Variants in NAALADL2 observed in about 807,000 individuals in gnomAD.
NAALADL2 encodes inactive N-acetylated-alpha-linked acidic dipeptidase-like protein 2.
A neutral mutation model predicts 87.2 loss-of-function variants in NAALADL2; 76 were observed. The observed-to-expected ratio is 0.87, with a 90% CI of 0.72 to 1.05. The LOEUF is 1.05. Ranked by LOEUF, NAALADL2 falls within the 50% of genes least tolerant of loss-of-function variation. The probability of loss-of-function intolerance (pLI) is 0.00; values close to 1 mark genes in which losing one functional copy is unlikely to be tolerated. For synonymous variants in NAALADL2, 354 were observed against 331.0 expected (o/e 1.07, Z -0.75); for missense variants, 1,089 against 945.8 (o/e 1.15, Z -1.99).
chr3:174,590,620 A>C (rs1717260681), intron 2 of NAALADL2, among the ~76,000 whole-genome samples: 1 of 152,180 alleles, frequency 6.6e-6, no homozygotes, highest in Non-Finnish European at 1.5e-5. Flanking sequence ...CAGTGAGTAT[A>C]GTCCTTTCAG....
intron 4 of NAALADL2, among the ~76,000 whole-genome samples, chr3:175,280,003 G>A (rs1754082082): frequency 6.7e-6 from 1 of 150,226 alleles, no homozygotes; most frequent in African/African-American, 2.5e-5. Context: ...TAAATAAACT[G>A]GAAAGTTGTC....
chr3:175,153,130 A>G (rs1190540060), intron 2 of NAALADL2, among the ~76,000 whole-genome samples: 4 of 152,134 alleles, frequency 2.6e-5, no homozygotes, highest in Non-Finnish European at 5.9e-5. Flanking sequence ...CAGGAAGTAT[A>G]CAACTTACCT....
At chr3:175,481,053 T>A (rs1439736084) in intron 9 of NAALADL2, among the ~76,000 whole-genome samples, 1 of 151,870 alleles carries the variant, frequency 6.6e-6, no homozygotes, top group African/African-American at 2.4e-5. Flanking sequence ...TAAAGGGAAA[T>A]GCGATCTGTA....
chr3:175,441,046 T>C (rs1426443482), intron 5 of NAALADL2, among the ~76,000 whole-genome samples: 1 of 137,522 alleles, frequency 7.3e-6, no homozygotes, highest in Non-Finnish European at 1.5e-5. Context: ...GCAAATACAG[T>C]TTTTTTTCTT....
chr3:175,057,256 A>AT (rs1387137857), intron 1 of NAALADL2, among the ~76,000 whole-genome samples: 1 of 152,098 alleles, frequency 6.6e-6, no homozygotes, highest in East Asian at 1.9e-4. Flanking sequence ...TCACGTTACC[A>AT]TTTTTTTCAG....
chr3:174,464,264 C>A (rs1034906913), intron 1 of NAALADL2, among the ~76,000 whole-genome samples: 14 of 152,092 alleles, frequency 9.2e-5, no homozygotes, highest in African/African-American at 3.1e-4. Flanking sequence ...AGTATTCTAA[C>A]CTTATTCCAA....
At chr3:175,523,497 A>G (rs910571313) in intron 9 of NAALADL2, among the ~76,000 whole-genome samples, 1 of 152,216 alleles carries the variant, frequency 6.6e-6, no homozygotes, top group Non-Finnish European at 1.5e-5. Flanking sequence ...AAGACACATA[A>G]ACAGTGTTAT....
chr3:175,520,792 A>T (rs1406897976), intron 9 of NAALADL2, among the ~76,000 whole-genome samples: 1 of 152,214 alleles, frequency 6.6e-6, no homozygotes, highest in Non-Finnish European at 1.5e-5. Context: ...TTAAGGAGAT[A>T]TAACAAGGAC....
chr3:175,570,052 G>C (rs1267813390), intron 9 of NAALADL2, among the ~76,000 whole-genome samples: 1 of 152,156 alleles, frequency 6.6e-6, no homozygotes. Flanking sequence ...GTGCTTGTCT[G>C]AATTTGAAGG....
intron 2 of NAALADL2, among the ~76,000 whole-genome samples, chr3:174,735,705 A>G (rs964343102): frequency 6.6e-6 from 1 of 152,114 alleles, no homozygotes; most frequent in Non-Finnish European, 1.5e-5. Context: ...GACCACAGGC[A>G]TGCACCATCA....
At chr3:175,495,950 A>C (rs1728755789) in intron 9 of NAALADL2, among the ~76,000 whole-genome samples, 1 of 151,964 alleles carries the variant, frequency 6.6e-6, no homozygotes, top group African/African-American at 2.4e-5. Context: ...TATATATTTT[A>C]TTTATGACTC....
chr3:175,488,622 T>C (rs543578128), intron 9 of NAALADL2, among the ~76,000 whole-genome samples: 89 of 152,334 alleles, frequency 5.8e-4, no homozygotes, highest in African/African-American at 2.1e-3. Flanking sequence ...TTCAAGTAGA[T>C]CTGAGGTTAG....
chr3:175,227,971 TATG>T (rs1251382969), intron 2 of NAALADL2, among the ~76,000 whole-genome samples: 1 of 152,096 alleles, frequency 6.6e-6, no homozygotes, highest in African/African-American at 2.4e-5. Flanking sequence ...TTTTTAAACT[TATG>T]ATTAACTATT....
At chr3:175,536,370 C>A (rs1734817698) in intron 9 of NAALADL2, among the ~76,000 whole-genome samples, 1 of 152,092 alleles carries the variant, frequency 6.6e-6, no homozygotes, top group Admixed American at 6.6e-5. Flanking sequence ...TAACATATGA[C>A]CCCCAATTTT....
chr3:174,669,265 T>A (rs202245726), intron 2 of NAALADL2, among the ~76,000 whole-genome samples: 1 of 51,992 alleles, frequency 1.9e-5, no homozygotes, highest in East Asian at 1.5e-3. Flanking sequence ...TTTGATGGGG[T>A]TTTTTTTTCT....
At chr3:174,610,210 C>A (rs1259021496) in intron 2 of NAALADL2, among the ~76,000 whole-genome samples, 3 of 151,072 alleles carry the variant, frequency 2.0e-5, no homozygotes, top group African/African-American at 4.9e-5. Context: ...ACCATAAAAA[C>A]CCTAGAAGAA....
chr3:175,231,584 T>A (rs937177608), intron 2 of NAALADL2, among the ~76,000 whole-genome samples: 3 of 152,084 alleles, frequency 2.0e-5, no homozygotes, highest in African/African-American at 7.2e-5. Flanking sequence ...AAACATTCAA[T>A]GTTTTCAGTT....
chr3:175,462,808 G>A lies in NAALADL2; in HGVS notation c.1235-593G>A, dbSNP rs149881613. 4.3e-4 allele frequency among the ~76,000 whole-genome samples: 66 copies of A among 152,216 alleles called. 2 individuals carry two copies. The highest frequency in any genetic ancestry group is 3.4e-3 in the Middle Eastern group (1 of 294). On this transcript the variant is annotated intron_variant, in intron 6 of 13. Transcript: ENST00000454872. ...ACAGAAAAATTCAAAAAGGTAGAGC[G>A]ATTAGTACAGATTTAGAATAGAGGT...
chr3:174,683,874 AGT>A (rs1727791805), intron 2 of NAALADL2, among the ~76,000 whole-genome samples: 1 of 152,054 alleles, frequency 6.6e-6, no homozygotes, highest in South Asian at 2.1e-4. Context: ...AGAGCTACAG[AGT>A]GTATAATATG....
Sources: allele counts gnomAD v4.1 joint callset (sites outside exome capture counted in the v4.1 genomes callset), GRCh38; gene constraint gnomAD v4.1.1; transcripts MANE v1.5; gene names NCBI Gene and HGNC (gene_info 2026-07-23, HGNC 2026-07-21).